TTC29: variants seen among roughly 807,000 people sequenced by gnomAD.
The protein encoded by TTC29 is tetratricopeptide repeat protein 29.
A neutral mutation model predicts 58.1 loss-of-function variants in TTC29; 49 were observed. The ratio of observed to expected loss-of-function variants is 0.84; its 90% CI spans 0.67 to 1.07. The LOEUF (loss-of-function observed/expected upper bound fraction) is 1.07. Ranked by LOEUF, TTC29 falls within the 50% of genes least tolerant of loss-of-function variation. The probability of loss-of-function intolerance (pLI) is 0.00; values close to 1 mark genes in which losing one functional copy is unlikely to be tolerated. For missense variants in TTC29, 582 were observed against 555.6 expected (o/e 1.05, Z -0.48); for synonymous variants, 209 against 196.8 (o/e 1.06, Z -0.52).
intron 11 of TTC29, among the ~76,000 whole-genome samples, chr4:146,775,538 A>G (rs57817185): frequency 0.13 from 19,054 of 151,550 alleles, 1,992 homozygotes; most frequent in African/African-American, 0.28. Flanking sequence ...TTCTTGGTTG[A>G]AATTTCTTTT....
intron 8 of TTC29, among the ~76,000 whole-genome samples, chr4:146,866,217 G>A (rs1219827569): frequency 6.6e-6 from 1 of 152,164 alleles, no homozygotes; most frequent in African/African-American, 2.4e-5. Flanking sequence ...TTACTTGAGA[G>A]AGAAAGAATA....
At chr4:146,917,086 T>A (rs1734271314) in intron 4 of TTC29, among the ~76,000 whole-genome samples, 1 of 151,194 alleles carries the variant, frequency 6.6e-6, no homozygotes, top group Non-Finnish European at 1.5e-5. Context: ...ATCTCATACA[T>A]CCACCAATCA....
intron 11 of TTC29, among the ~76,000 whole-genome samples, chr4:146,780,023 G>A (rs1011586522): frequency 2.6e-5 from 4 of 152,118 alleles, no homozygotes; most frequent in African/African-American, 4.8e-5. Context: ...CTACTTGAGA[G>A]TCTAGATCTG....
chr4:146,726,855 T>A (rs1743823336), intron 11 of TTC29, among the ~76,000 whole-genome samples: 2 of 152,232 alleles, frequency 1.3e-5, no homozygotes, highest in South Asian at 4.2e-4. Context: ...AATTCTGTAA[T>A]TATTCTCTGT....
intron 9 of TTC29, among the ~76,000 whole-genome samples, chr4:146,823,725 A>C (rs1190645225): frequency 6.6e-6 from 1 of 152,152 alleles, no homozygotes; most frequent in Non-Finnish European, 1.5e-5. Context: ...GATTCTTCCT[A>C]TCCATGGGGA....
chr4:146,929,589 T>A (rs974101118), intron 4 of TTC29, among the ~76,000 whole-genome samples: 1 of 152,218 alleles, frequency 6.6e-6, no homozygotes, highest in Non-Finnish European at 1.5e-5. Context: ...ACAGCCCTCC[T>A]TACAGTAAAA....
At chr4:146,714,167 T>G (rs1742749647) in intron 11 of TTC29, among the ~76,000 whole-genome samples, 1 of 152,078 alleles carries the variant, frequency 6.6e-6, no homozygotes, top group South Asian at 2.1e-4. Context: ...AGAAATATGT[T>G]TGAATACAAA....
At chr4:146,728,774 C>A (rs1377728845) in intron 11 of TTC29, among the ~76,000 whole-genome samples, 1 of 124,050 alleles carries the variant, frequency 8.1e-6, no homozygotes, top group Non-Finnish European at 1.6e-5. Flanking sequence ...TATATATACA[C>A]ATATATATGT....
chr4:146,811,517 C>T (rs1182281044), intron 10 of TTC29, among the ~76,000 whole-genome samples: 1 of 152,120 alleles, frequency 6.6e-6, no homozygotes, highest in Non-Finnish European at 1.5e-5. Context: ...CATCTCTCTC[C>T]TCCTCACCCC....
At chr4:146,852,849 C>T (rs1026679597) in intron 8 of TTC29, among the ~76,000 whole-genome samples, 8 of 152,214 alleles carry the variant, frequency 5.3e-5, no homozygotes, top group Non-Finnish European at 7.4e-5. Flanking sequence ...CTCAGGATTT[C>T]GGAATCTATA....
intron 11 of TTC29, among the ~76,000 whole-genome samples, chr4:146,739,077 C>G (rs1240505794): frequency 6.6e-6 from 1 of 152,068 alleles, no homozygotes; most frequent in African/African-American, 2.4e-5. Context: ...TAAACTTTCA[C>G]TTTTTCAGAA....
intron 10 of TTC29, among the ~76,000 whole-genome samples, chr4:146,815,372 T>C (rs1751330173): frequency 6.6e-6 from 1 of 152,140 alleles, no homozygotes; most frequent in Non-Finnish European, 1.5e-5. Flanking sequence ...ATTTTTGCCT[T>C]AAGTGACTGG....
intron 11 of TTC29, among the ~76,000 whole-genome samples, chr4:146,762,106 A>G (rs986697477): frequency 6.6e-6 from 1 of 151,756 alleles, no homozygotes; most frequent in Admixed American, 6.6e-5. Context: ...TCTCTTATTA[A>G]GGTTTATTTG....
chr4:146,890,293 C>T (rs34216058), intron 6 of TTC29, among the ~76,000 whole-genome samples: 70,088 of 152,008 alleles, frequency 0.46, 16,786 homozygotes, highest in African/African-American at 0.57. Context: ...TCATAATAAA[C>T]ATGGTTGAAA....
intron 11 of TTC29, among the ~76,000 whole-genome samples, chr4:146,744,106 C>A (rs1040570689): frequency 1.3e-5 from 2 of 152,156 alleles, no homozygotes; most frequent in African/African-American, 4.8e-5. Context: ...CTGAAATACT[C>A]CTATATCTGT....
chr4:146,919,877 T>C (rs1312209288), intron 4 of TTC29, among the ~76,000 whole-genome samples: 1 of 151,100 alleles, frequency 6.6e-6, no homozygotes, highest in Non-Finnish European at 1.5e-5. Flanking sequence ...TAAAAACAAG[T>C]TGCATTATAA....
chr4:146,881,951 C>T (rs897329835), intron 6 of TTC29, among the ~76,000 whole-genome samples: 1 of 152,014 alleles, frequency 6.6e-6, no homozygotes, highest in Non-Finnish European at 1.5e-5. Flanking sequence ...AAACGGAATC[C>T]TCTCTTTGTC....
chr4:146,720,112 T>C (rs1743250261), intron 11 of TTC29, among the ~76,000 whole-genome samples: 1 of 152,152 alleles, frequency 6.6e-6, no homozygotes, highest in African/African-American at 2.4e-5. Context: ...ATTACACTTG[T>C]TAATTTGGCT....
chr4:146,867,455 A>G, intron 8 of TTC29, 43 bp downstream of exon 8: 1 of 982,284 alleles, frequency 1.0e-6, no homozygotes, highest in East Asian at 2.9e-5. Flanking sequence ...TAAATATACT[A>G]AAATAAAAAT....
Sources: gnomAD v4.1 joint callset for allele counts (sites outside exome capture counted in the v4.1 genomes callset) on GRCh38, gnomAD v4.1.1 for gene constraint, MANE v1.5 for transcripts, NCBI Gene and HGNC (gene_info 2026-07-23, HGNC 2026-07-21) for gene names.